The following SAE1 variants were observed in gnomAD, a reference collection of about 807,000 sequenced individuals.
SAE1 encodes the protein SUMO1 activating enzyme subunit 1, also known as SUMO-activating enzyme subunit 1.
Under a neutral mutation model 40.6 loss-of-function variants are expected in SAE1, and 11 were observed. The observed-to-expected ratio is 0.27, with a 90% CI of 0.17 to 0.45. The LOEUF (loss-of-function observed/expected upper bound fraction) is 0.45, where lower values mean the gene tolerates loss of function less well. Ranked by LOEUF, SAE1 falls within the 20% of genes least tolerant of loss-of-function variation. SAE1 has a pLI of 1.00. For synonymous variants in SAE1, 155 were observed against 154.3 expected, an observed-to-expected ratio of 1.00 and a Z score of -0.03; for missense variants, 373 against 427.3, an observed-to-expected ratio of 0.87 and a Z score of 1.12.
At chr19:47,183,985 CTTG>C (rs1430977925) in intron 6 of SAE1, among the ~76,000 whole-genome samples, 2 of 152,130 alleles carry the variant, frequency 1.3e-5, no homozygotes, top group Non-Finnish European at 2.9e-5. Context: ...GAAGTTTATT[CTTG>C]TTGTCCACAT....
At chr19:47,169,194 C>T (rs146467651) in intron 5 of SAE1, among the ~76,000 whole-genome samples, 1,704 of 152,190 alleles carry the variant, frequency 0.011, 35 homozygotes, top group African/African-American at 0.039. Flanking sequence ...TACATTCTTG[C>T]CCCTCATTGT....
chr19:47,148,486 G>A (rs1382341162), intron 2 of SAE1, among the ~76,000 whole-genome samples: 2 of 152,030 alleles, frequency 1.3e-5, no homozygotes, highest in African/African-American at 4.8e-5. Context: ...TATGGAATCT[G>A]TAATCTTACT....
chr19:47,172,656 T>C (rs1217718136), intron 6 of SAE1, among the ~76,000 whole-genome samples: 1 of 150,682 alleles, frequency 6.6e-6, no homozygotes. Context: ...TCCGAGATCA[T>C]GCCAAAGCAC....
At chr19:47,149,640 A>G (rs2058275332) in intron 2 of SAE1, among the ~76,000 whole-genome samples, 1 of 152,202 alleles carries the variant, frequency 6.6e-6, no homozygotes, top group Non-Finnish European at 1.5e-5. Flanking sequence ...AGAAGAAAGC[A>G]TGGATTTTTT....
chr19:47,203,163 C>A (rs1285496894), intron 7 of SAE1, among the ~76,000 whole-genome samples: 1 of 152,150 alleles, frequency 6.6e-6, no homozygotes, highest in Non-Finnish European at 1.5e-5. Flanking sequence ...CCCATCCTGG[C>A]CCAGAAGGGC....
intron 7 of SAE1, among the ~76,000 whole-genome samples, chr19:47,201,920 AC>A (rs1238225992): frequency 6.6e-6 from 1 of 152,154 alleles, no homozygotes; most frequent in Non-Finnish European, 1.5e-5. Context: ...GATGTGAGCC[AC>A]CGCACCCAGC....
chr19:47,165,076 CTTTTTTT>C (rs769656956), intron 5 of SAE1, among the ~76,000 whole-genome samples: 1 of 59,074 alleles, frequency 1.7e-5, no homozygotes, highest in Non-Finnish European at 2.8e-5. Context: ...TGAGCCAAGT[CTTTTTTT>C]TTTTTTTTTT....
intron 5 of SAE1, among the ~76,000 whole-genome samples, chr19:47,165,647 T>C (rs959513389): frequency 2.6e-5 from 4 of 152,204 alleles, no homozygotes; most frequent in Non-Finnish European, 5.9e-5. Context: ...GGTGTATTTT[T>C]TCTTTATAAG....
chr19:47,155,122 C>A lies in SAE1; in HGVS notation c.536C>A (p.Thr179Asn), dbSNP rs772632494. 6.2e-7 allele frequency: 1 copy of A among 1,609,998 alleles called. No homozygotes were observed. Among genetic ancestry groups the A allele is most frequent in the African/African-American group, 1.3e-5 (1 of 74,900 alleles). Reference protein sequence around the residue: ...LGEHEFVEEKTKVAKVSQGVE... With the variant: ...LGEHEFVEEKNKVAKVSQGVE... ...CCCTTGTCACCCTCTAGGGAGAAAA[C>A]TAAAGTTGCCAAAGTTAGCCAAGGA... is the stretch of plus-strand genomic sequence containing the variant. Residue 179 changes from threonine (T) to asparagine (N), a missense_variant, in exon 5 of 9, where the codon ACT becomes AAT. Around this residue, in one of 3 missense-constraint regions of SAE1, gnomAD observed 351 missense variants for 390.6 expected, o/e 0.90. Transcript: ENST00000270225.
chr19:47,162,603 C>T (rs1268118308), intron 5 of SAE1, among the ~76,000 whole-genome samples: 2 of 152,148 alleles, frequency 1.3e-5, no homozygotes, highest in East Asian at 1.9e-4. Context: ...CTCCCCACCC[C>T]CTACCCCAGG....
intron 1 of SAE1, among the ~76,000 whole-genome samples, chr19:47,140,177 G>A (rs1348025705): frequency 4.0e-5 from 6 of 151,032 alleles, no homozygotes; most frequent in Non-Finnish European, 8.8e-5. Flanking sequence ...CGCCATCTCG[G>A]CTCACTGCAA....
At chr19:47,182,495 GTGCGCGCACGCA>G (rs1309936029) in intron 6 of SAE1, among the ~76,000 whole-genome samples, 26 of 142,286 alleles carry the variant, frequency 1.8e-4, no homozygotes, top group African/African-American at 6.0e-4. Context: ...GTGTGTGTGT[GTGCGCGCACGCA>G]CGCGCGCGCG....
In SAE1 at chr19:47,187,471, T is replaced by C. The variant is rs776725055; in HGVS notation, c.734-9762T>C. Among the ~76,000 whole-genome samples the C allele has an allele frequency of 2.9e-4, 44 of 152,358 alleles. 1 individual carries two copies. Among genetic ancestry groups the C allele is most frequent in the South Asian group, 2.1e-3 (10 of 4,830 alleles). On this transcript the variant is annotated intron_variant, in intron 6 of 8. Coordinates refer to ENST00000270225, the MANE Select transcript of SAE1 (RefSeq NM_005500.3). ...CCATCCCAGATAGCTTGAACACTTT[T>C]CAATTCAGTCAGTAACAGACCAGGT...
In SAE1 at chr19:47,197,233, T is replaced by C; in HGVS notation, c.734T>C (p.Val245Ala). ...CCTGCCTTCTTTTTCTTATTCCCAGTGCTCTTAAAGTTCCGTACAGATAAA... is the reference window on the plus strand; with the variant it reads ...CCTGCCTTCTTTTTCTTATTCCCAGCGCTCTTAAAGTTCCGTACAGATAAA... ...RTTSDYFLLQ[V>A]LLKFRTDKGR... Residue 245 changes from valine (V) to alanine (A), a missense_variant and splice_region_variant, in exon 7 of 9, where the codon GTG becomes GCG. By Grantham distance (64) the Val-to-Ala change is moderately conservative (BLOSUM62 0). This residue lies in a region of SAE1 where 351 missense variants were observed against 390.6 expected (regional missense o/e 0.90). Coordinates refer to ENST00000270225, the MANE Select transcript of SAE1 (RefSeq NM_005500.3). The C allele has an allele frequency of 6.3e-7, 1 of 1,595,352 alleles. No individual in the cohort carries two copies. The highest frequency in any genetic ancestry group is 1.2e-5 in the South Asian group (1 of 86,444).
intron 5 of SAE1, among the ~76,000 whole-genome samples, chr19:47,160,184 C>A (rs987516317): frequency 2.4e-4 from 36 of 151,186 alleles, no homozygotes; most frequent in Non-Finnish European, 4.7e-4. Flanking sequence ...TGGATTGGAA[C>A]CCTCAGGCCA....
intron 6 of SAE1, among the ~76,000 whole-genome samples, chr19:47,194,728 T>C (rs2058601979): frequency 6.7e-6 from 1 of 149,842 alleles, no homozygotes; most frequent in South Asian, 2.1e-4. Flanking sequence ...AGTTAGAAGG[T>C]GTTGGTATGT....
chr19:47,165,076 CTTTTTT>C (rs769656956), intron 5 of SAE1, among the ~76,000 whole-genome samples: 4 of 59,072 alleles, frequency 6.8e-5, no homozygotes, highest in African/African-American at 2.3e-4. Flanking sequence ...TGAGCCAAGT[CTTTTTT>C]TTTTTTTTTT....
At chr19:47,203,790 G>T in intron 8 of SAE1, 50 bp downstream of exon 8, 1 of 1,483,506 alleles carries the variant, frequency 6.7e-7, no homozygotes, top group African/African-American at 1.4e-5. Context: ...CTTTGTATAT[G>T]TGCTGACAGA....
In SAE1 at chr19:47,144,572, G is replaced by A. The variant is rs1045748364; in HGVS notation, c.210+967G>A. On this transcript the variant is annotated intron_variant, in intron 2 of 8. Transcript: ENST00000270225. ...AAATTAGCAGGGCTTGGTGGCGGGC[G>A]CCTGTGGTCCCAGCTACTCGGGAGG... Among the ~76,000 whole-genome samples, 28 of 147,476 alleles carry A rather than the reference G, an allele frequency of 1.9e-4. 1 individual carries two copies. Among genetic ancestry groups the A allele is most frequent in the African/African-American group, 6.8e-4 (27 of 39,954 alleles).
Sources: allele counts gnomAD v4.1 joint callset (sites outside exome capture counted in the v4.1 genomes callset), GRCh38; gene constraint gnomAD v4.1.1; regional missense constraint gnomAD v4.1.1; transcripts MANE v1.5; gene names NCBI Gene and HGNC (gene_info 2026-07-23, HGNC 2026-07-21).